Variants in ACTR3C observed in about 807,000 individuals in gnomAD.
ACTR3C encodes actin-related protein 3C.
In ACTR3C, 18 loss-of-function variants were observed where a neutral mutation model predicts 26.3. That is an observed-to-expected ratio of 0.68 (90% CI 0.47 to 1.01). The LOEUF (loss-of-function observed/expected upper bound fraction) is 1.01, where lower values mean the gene tolerates loss of function less well. Ranked by LOEUF, ACTR3C falls within the 50% of genes least tolerant of loss-of-function variation. The probability of loss-of-function intolerance (pLI) is 0.00; values close to 1 mark genes in which losing one functional copy is unlikely to be tolerated. For missense variants in ACTR3C, 184 were observed against 250.7 expected (o/e 0.73, Z 1.80); for synonymous variants, 55 against 94.5 (o/e 0.58, Z 2.42).
the ACTR3C span, among the ~76,000 whole-genome samples, chr7:150,007,423 G>T: frequency 6.6e-6 from 1 of 152,222 alleles, no homozygotes; most frequent in African/African-American, 2.4e-5. Flanking sequence ...AAGGTGGACA[G>T]GGCTTAGGAT....
At chr7:150,102,421 A>G in the ACTR3C span, among the ~76,000 whole-genome samples, 1 of 152,044 alleles carries the variant, frequency 6.6e-6, no homozygotes, top group African/African-American at 2.4e-5. Context: ...GTTCTGGCAC[A>G]TTTTGTTAAA....
the ACTR3C span, among the ~76,000 whole-genome samples, chr7:150,152,770 G>A: frequency 1.3e-5 from 2 of 152,040 alleles, no homozygotes; most frequent in African/African-American, 4.8e-5. Flanking sequence ...ATCTGGTCCT[G>A]GACTCTTTTT....
At chr7:150,034,776 G>A in the ACTR3C span, among the ~76,000 whole-genome samples, 2 of 104,596 alleles carry the variant, frequency 1.9e-5, no homozygotes, top group African/African-American at 8.2e-5. Context: ...CCCTAAGCCA[G>A]GGGGGGAAGA....
chr7:150,166,020 T>G, the ACTR3C span, among the ~76,000 whole-genome samples: 1 of 151,806 alleles, frequency 6.6e-6, no homozygotes, highest in East Asian at 1.9e-4. Context: ...ACATGATTTT[T>G]ATAATTAGAA....
intron 6 of ACTR3C, among the ~76,000 whole-genome samples, chr7:150,276,553 A>T (rs1584901808): frequency 6.6e-6 from 1 of 152,216 alleles, no homozygotes; most frequent in African/African-American, 2.4e-5. Flanking sequence ...CTGTTATGAT[A>T]CCCAACAGTG....
At chr7:150,126,326 G>A in the ACTR3C span, among the ~76,000 whole-genome samples, 8 of 152,040 alleles carry the variant, frequency 5.3e-5, no homozygotes, top group East Asian at 1.9e-4. Flanking sequence ...TTTATGATTC[G>A]GAATCAGGAA....
the ACTR3C span, among the ~76,000 whole-genome samples, chr7:150,230,077 A>T: frequency 6.6e-6 from 1 of 150,562 alleles, no homozygotes. Context: ...ATACAAAAAT[A>T]AGCCAGGAGT....
chr7:150,276,750 T>C (rs889813486), intron 6 of ACTR3C, among the ~76,000 whole-genome samples: 1 of 152,232 alleles, frequency 6.6e-6, no homozygotes, highest in African/African-American at 2.4e-5. Flanking sequence ...ACAAGGCTGC[T>C]CACCCCTGTG....
chr7:150,066,868 G>A, the ACTR3C span, among the ~76,000 whole-genome samples: 1 of 152,238 alleles, frequency 6.6e-6, no homozygotes, highest in Non-Finnish European at 1.5e-5. Flanking sequence ...TGTGTGCAGA[G>A]GAGTGGGCAC....
At chr7:150,069,606 A>T in the ACTR3C span, among the ~76,000 whole-genome samples, 3 of 152,098 alleles carry the variant, frequency 2.0e-5, no homozygotes, top group African/African-American at 7.2e-5. Context: ...GCCAGGGAGG[A>T]TAAGACAGCC....
the ACTR3C span, among the ~76,000 whole-genome samples, chr7:150,234,817 C>T: frequency 1.3e-5 from 2 of 152,194 alleles, no homozygotes; most frequent in African/African-American, 4.8e-5. Flanking sequence ...GAACTTTACA[C>T]ATTGGAGTTA....
the ACTR3C span, among the ~76,000 whole-genome samples, chr7:150,020,341 G>GT: frequency 7.2e-5 from 11 of 152,018 alleles, no homozygotes; most frequent in Admixed American, 1.3e-4. Context: ...AGGAATCTGT[G>GT]TTTTTTCGGT....
chr7:150,231,024 T>TAAC, the ACTR3C span, among the ~76,000 whole-genome samples: 1 of 151,880 alleles, frequency 6.6e-6, no homozygotes, highest in East Asian at 1.9e-4. Flanking sequence ...TTTTCTTCTA[T>TAAC]AACTTCAGAT....
At chr7:149,970,481 T>A in the ACTR3C span, among the ~76,000 whole-genome samples, 2 of 152,128 alleles carry the variant, frequency 1.3e-5, no homozygotes, top group Admixed American at 6.5e-5. Flanking sequence ...CAAGCCCTCA[T>A]AAGATGAGAG....
At chr7:150,014,583 G>A in the ACTR3C span, among the ~76,000 whole-genome samples, 7 of 152,140 alleles carry the variant, frequency 4.6e-5, no homozygotes, top group East Asian at 5.8e-4. Flanking sequence ...AGTTCTAGGC[G>A]GCAGCAGGAC....
At chr7:150,154,941 G>C in the ACTR3C span, among the ~76,000 whole-genome samples, 2 of 152,262 alleles carry the variant, frequency 1.3e-5, no homozygotes, top group South Asian at 4.1e-4. Context: ...GTGGAAATAG[G>C]TATCATGTTT....
At chr7:149,906,527 A>G in the ACTR3C span, among the ~76,000 whole-genome samples, 314 of 140,950 alleles carry the variant, frequency 2.2e-3, 3 homozygotes, top group South Asian at 0.01. Context: ...CACCTCCCGG[A>G]TTCAAGTGAG....
At chr7:149,948,049 C>T in the ACTR3C span, among the ~76,000 whole-genome samples, 1 of 142,828 alleles carries the variant, frequency 7.0e-6, no homozygotes, top group African/African-American at 2.7e-5. Flanking sequence ...GCTGCACTGT[C>T]CCCCAGAAGC....
At chr7:150,309,886 CT>C (rs1342871923) in intron 1 of ACTR3C, among the ~76,000 whole-genome samples, 9 of 152,156 alleles carry the variant, frequency 5.9e-5, no homozygotes, top group Non-Finnish European at 1.2e-4. Flanking sequence ...CTTCGGGTAA[CT>C]TTTACAGTGG....
Sources: gnomAD v4.1 joint callset for allele counts (sites outside exome capture counted in the v4.1 genomes callset) on GRCh38, gnomAD v4.1.1 for gene constraint, MANE v1.5 for transcripts, NCBI Gene and HGNC (gene_info 2026-07-23, HGNC 2026-07-21) for gene names.